Variants in ACO2 observed in about 807,000 individuals in gnomAD.
ACO2 encodes the protein aconitase 2.
A neutral mutation model predicts 84.5 loss-of-function variants in ACO2; 31 were observed. The ratio of observed to expected loss-of-function variants is 0.37; its 90% CI spans 0.28 to 0.50. The LOEUF (loss-of-function observed/expected upper bound fraction) is 0.50, where lower values mean the gene tolerates loss of function less well. Ranked by LOEUF, ACO2 falls within the 20% of genes least tolerant of loss-of-function variation. The pLI, the probability that ACO2 is intolerant of heterozygous loss-of-function variation, is 0.97. For missense variants in ACO2, 685 were observed against 1,029.3 expected, an observed-to-expected ratio of 0.67 and a Z score of 4.58; for synonymous variants, 414 against 412.7, an observed-to-expected ratio of 1.00 and a Z score of -0.04.
intron 12 of ACO2, among the ~76,000 whole-genome samples, chr22:41,524,382 C>T (rs774695068): frequency 3.9e-5 from 6 of 152,234 alleles, no homozygotes; most frequent in Non-Finnish European, 5.9e-5. Context: ...TTGCCCTTGG[C>T]GGTATTCAGC....
In ACO2 at chr22:41,469,118, A is replaced by G. The variant is rs201799819; in HGVS notation, c.-29A>G. The stretch of plus-strand genomic sequence containing the variant: ...AGGCGCCGTGTGGGACGTCACTTTA[A>G]TGCGACCTCATCTTTGTCAGTGCAC... On this transcript the variant is annotated 5_prime_UTR_variant, in exon 1 of 18. An upstream start codon of the reference 5' UTR is lost. Coordinates refer to ENST00000216254, the MANE Select transcript of ACO2 (RefSeq NM_001098.3). 37 of 1,604,062 alleles carry G rather than the reference A, an allele frequency of 2.3e-5. No homozygotes were observed. The highest frequency in any genetic ancestry group is 3.1e-5 in the Non-Finnish European group (37 of 1,175,044).
At chr22:41,516,420 T>G (rs953122604) in intron 6 of ACO2, among the ~76,000 whole-genome samples, 2 of 152,222 alleles carry the variant, frequency 1.3e-5, no homozygotes, top group African/African-American at 4.8e-5. Flanking sequence ...GCTCCCTGCC[T>G]GTCACTCCTG....
rs2066466070 is a variant in ACO2 at position 41,515,185 on chromosome 22, G to A, written c.526-192G>A. Among the ~76,000 whole-genome samples, 1 of 152,186 alleles carries A rather than the reference G, an allele frequency of 6.6e-6. No individual in the cohort carries two copies. Among genetic ancestry groups the A allele is most frequent in the Non-Finnish European group, 1.5e-5 (1 of 68,024 alleles). On this transcript the variant is annotated intron_variant, in intron 4 of 17. Coordinates refer to ENST00000216254, the MANE Select transcript of ACO2 (RefSeq NM_001098.3). The surrounding 1 kb of genome is among the most constrained non-coding windows in gnomAD (Gnocchi z 5.8). ...AATATCAGAGCTATTCAAGAGCCCAGGCCACCTGTCTCCCAAGGCTCTGGC... is the reference window on the plus strand; with the variant it reads ...AATATCAGAGCTATTCAAGAGCCCAAGCCACCTGTCTCCCAAGGCTCTGGC...
intron 2 of ACO2, among the ~76,000 whole-genome samples, chr22:41,505,539 C>T (rs566808219): frequency 4.6e-5 from 7 of 152,214 alleles, no homozygotes; most frequent in Non-Finnish European, 7.3e-5. Context: ...GGAGCACAGC[C>T]GTAGGGCCAC....
In ACO2 at chr22:41,528,768, T is replaced by TAAA; in HGVS notation, c.*155_*156insAAA. On this transcript the variant is annotated 3_prime_UTR_variant, in exon 18 of 18. Transcript: ENST00000216254. ...TTAGCCCACGGAGTGACTGTGGTTG[T>TAAA]GGTGGGGGGGTTCTTAAAATAACTT... 4.5e-6 allele frequency: 5 copies of TAAA among 1,122,608 alleles called. No homozygotes were observed. The highest frequency in any genetic ancestry group is 4.9e-6 in the Non-Finnish European group (4 of 819,114). 69.5% of individuals were successfully genotyped at this position (1,122,608 alleles called of 1,614,324 possible). A position where few individuals can be genotyped will look rare whatever the true frequency, so the allele number is the denominator to read the frequency against.
At chr22:41,512,877 T>C (rs576525204) in intron 4 of ACO2, among the ~76,000 whole-genome samples, 16 of 152,326 alleles carry the variant, frequency 1.1e-4, no homozygotes, top group African/African-American at 2.6e-4. Context: ...CCACCCTGTA[T>C]GTATGAAACC....
At chr22:41,501,670 G>A (rs564282879) in intron 2 of ACO2, among the ~76,000 whole-genome samples, 4 of 152,276 alleles carry the variant, frequency 2.6e-5, no homozygotes, top group Admixed American at 2.0e-4. Flanking sequence ...GGTAGCTGAG[G>A]CTCAGCTGGA....
intron 7 of ACO2, among the ~76,000 whole-genome samples, 153 bp downstream of exon 7, chr22:41,517,784 A>G (rs748461464): frequency 8.1e-4 from 123 of 152,268 alleles, no homozygotes; most frequent in Admixed American, 1.6e-3. Context: ...GAAGAGGTGC[A>G]ATATGTTTCT....
chr22:41,522,943 C>T lies in ACO2; in HGVS notation c.1252C>T (p.Pro418Ser). 1.2e-6 allele frequency: 2 copies of T among 1,614,230 alleles called. No individual in the cohort carries two copies. The highest frequency in any genetic ancestry group is 1.7e-6 in the Non-Finnish European group (2 of 1,180,050). ...GTGCAAGTCCCAGTTCACCATCACT[C>T]CAGGTTCCGAGCAGATCCGCGCCAC... ...LKCKSQFTITPGSEQIRATIE... is the reference protein window; with the variant it reads ...LKCKSQFTITSGSEQIRATIE... Residue 418 changes from proline to serine, a missense_variant, in exon 10 of 18, where the codon CCA (proline) becomes TCA (serine). Pro to Ser is a moderately conservative substitution (Grantham distance 74). Transcript: ENST00000216254.
intron 1 of ACO2, among the ~76,000 whole-genome samples, chr22:41,491,234 A>T (rs1204624240): frequency 6.6e-6 from 1 of 152,052 alleles, no homozygotes; most frequent in Non-Finnish European, 1.5e-5. Flanking sequence ...GAGGTTCATC[A>T]TGTTCAGTGC....
At chr22:41,516,041 G>T in intron 6 of ACO2, 124 bp downstream of exon 6, 1 of 1,307,124 alleles carries the variant, frequency 7.7e-7, no homozygotes, top group Non-Finnish European at 1.1e-6. Flanking sequence ...GGGGACTTGG[G>T]ATAGACAGAG....
intron 1 of ACO2, among the ~76,000 whole-genome samples, chr22:41,480,690 A>G (rs1421596081): frequency 6.6e-6 from 1 of 152,214 alleles, no homozygotes; most frequent in East Asian, 1.9e-4. Context: ...AATAGAATGC[A>G]GTATATTCAT....
At chr22:41,519,368 C>A (rs1349591289) in intron 8 of ACO2, among the ~76,000 whole-genome samples, 1 of 152,200 alleles carries the variant, frequency 6.6e-6, no homozygotes, top group African/African-American at 2.4e-5. Context: ...ACGTGTGGAA[C>A]CTACAGCAGT....
chr22:41,517,367 A>G (rs2066483631), intron 6 of ACO2, 160 bp from the exon 7 acceptor site: 5 of 628,830 alleles, frequency 8.0e-6, no homozygotes, highest in Non-Finnish European at 1.4e-5. Flanking sequence ...GTTTTTACCC[A>G]GGGCCTCAAG....
intron 1 of ACO2, 92 bp from the exon 2 acceptor site, chr22:41,499,634 T>C: frequency 7.1e-7 from 1 of 1,406,410 alleles, no homozygotes; most frequent in South Asian, 1.3e-5. Context: ...GACACTTTAA[T>C]TCCTGGATTT....
chr22:41,516,119 A>ATTGAGATACCTGTCGAGGCTGCCGGTGAC, intron 6 of ACO2: 6 of 710,382 alleles, frequency 8.4e-6, no homozygotes, highest in Non-Finnish European at 1.4e-5. Flanking sequence ...AGATGAAGAG[A>ATTGAGATACCTGTCGAGGCTGCCGGTGAC]TTGAGATACC....
rs764977582 is a variant in ACO2, at chr22:41,473,172, C to T, written c.36+3990C>T. ...CACACCATCCTGAGGATTAAGGGAG[C>T]ACAGCATTACCTTTCAAACCAACTG... On this transcript the variant is annotated intron_variant, in intron 1 of 17. Transcript: ENST00000216254. Among the ~76,000 whole-genome samples, 3 of 152,186 alleles carry T rather than the reference C, an allele frequency of 2.0e-5. No individual in the cohort carries two copies. In the South Asian group the frequency reaches 6.2e-4, roughly 32 times the overall value.
chr22:41,526,726 G>A (rs897978969), intron 15 of ACO2: 10 of 409,870 alleles, frequency 2.4e-5, no homozygotes, highest in Non-Finnish European at 4.0e-5. Flanking sequence ...CAAGGAAGGG[G>A]GCCGACTCAG....
At chr22:41,510,207 T>C (rs1397370210) in intron 3 of ACO2, among the ~76,000 whole-genome samples, 1 of 152,098 alleles carries the variant, frequency 6.6e-6, no homozygotes, top group Non-Finnish European at 1.5e-5. Context: ...GTGACCTGTC[T>C]AGGGTCACAG....
Sources: allele counts gnomAD v4.1 joint callset (sites outside exome capture counted in the v4.1 genomes callset), GRCh38; gene constraint gnomAD v4.1.1; non-coding constraint Gnocchi (gnomAD v3.1); transcripts MANE v1.5; gene names NCBI Gene and HGNC (gene_info 2026-07-23, HGNC 2026-07-21).